COL23A1: variants seen among roughly 807,000 people sequenced by gnomAD.
COL23A1 encodes the protein collagen alpha-1(XXIII) chain.
In COL23A1, 97 loss-of-function variants were observed where a neutral mutation model predicts 99.3. The observed-to-expected ratio is 0.98, with a 90% CI of 0.83 to 1.16. The LOEUF (loss-of-function observed/expected upper bound fraction) is 1.16. COL23A1 is among the 50% of genes most tolerant of loss of function. The pLI, the probability that COL23A1 is intolerant of heterozygous loss-of-function variation, is 0.00. For missense variants in COL23A1, 762 were observed against 757.4 expected, an observed-to-expected ratio of 1.01 and a Z score of -0.07; for synonymous variants, 320 against 308.2, an observed-to-expected ratio of 1.04 and a Z score of -0.40.
In COL23A1 at chr5:178,387,861, AAGG is replaced by A. The variant is rs1169615535; in HGVS notation, c.362-80945_362-80943del. Among the ~76,000 whole-genome samples, 3 of 152,104 alleles carry A rather than the reference AAGG, an allele frequency of 2.0e-5. No homozygotes were observed. Among genetic ancestry groups the A allele is most frequent in the Non-Finnish European group, 4.4e-5 (3 of 68,010 alleles). ...AAGGAAGAGGGCCCAAGGAGAAAAT[AAGG>A]AGCCAAAAGCAACCTGCCTGCAAGG... On this transcript the variant is annotated intron_variant, in intron 2 of 28. Coordinates refer to ENST00000390654, the MANE Select transcript of COL23A1 (RefSeq NM_173465.4). This position sits in a 1 kb window ranked among gnomAD's most constrained non-coding sequence, Gnocchi z 4.7.
chr5:178,477,260 T>C (rs1757081232), intron 2 of COL23A1, among the ~76,000 whole-genome samples: 1 of 152,208 alleles, frequency 6.6e-6, no homozygotes, highest in South Asian at 2.1e-4. Flanking sequence ...TGAAGTCATC[T>C]TGGGGCTCAC....
intron 2 of COL23A1, among the ~76,000 whole-genome samples, chr5:178,326,717 TTTTG>T (rs1179277104): frequency 2.0e-5 from 3 of 152,206 alleles, no homozygotes; most frequent in African/African-American, 4.8e-5. Flanking sequence ...ACTCAATTCT[TTTTG>T]TTTATTTATT....
intron 2 of COL23A1, among the ~76,000 whole-genome samples, chr5:178,555,890 G>A (rs73804264): frequency 2.8e-4 from 43 of 152,296 alleles, no homozygotes; most frequent in African/African-American, 1.0e-3. Context: ...GAGCCTCCCT[G>A]CAGGAACCTG....
At chr5:178,469,004 G>A (rs1405777321) in intron 2 of COL23A1, among the ~76,000 whole-genome samples, 1 of 152,186 alleles carries the variant, frequency 6.6e-6, no homozygotes, top group Non-Finnish European at 1.5e-5. Flanking sequence ...ATCATATCGT[G>A]TTTGTCCTTC....
intron 1 of COL23A1, among the ~76,000 whole-genome samples, chr5:178,573,521 C>G (rs1276619454): frequency 6.6e-6 from 1 of 152,224 alleles, no homozygotes; most frequent in Admixed American, 6.5e-5. Context: ...CCTCAAGGGT[C>G]CCTGATAGGT....
chr5:178,560,316 A>C (rs929307665), intron 2 of COL23A1, among the ~76,000 whole-genome samples: 7 of 152,132 alleles, frequency 4.6e-5, no homozygotes, highest in African/African-American at 1.4e-4. Context: ...TCTGGTTGCA[A>C]TGTTGGTACA....
In COL23A1 at chr5:178,307,281, G is replaced by A. The variant is rs1253349368; in HGVS notation, c.362-362C>T. ...TGCAGCTGAGAAACTTCAGACTTAG[G>A]AGGAAAGTAAGGGTGGGTTATCTTA... On this transcript the variant is annotated intron_variant, in intron 2 of 28. Coordinates refer to ENST00000390654, the MANE Select transcript of COL23A1 (RefSeq NM_173465.4). The surrounding 1 kb of genome is among the most constrained non-coding windows in gnomAD (Gnocchi z 4.2). Among the ~76,000 whole-genome samples, 4 of 152,232 alleles carry A rather than the reference G, an allele frequency of 2.6e-5. No individual in the cohort carries two copies. In the South Asian group the frequency reaches 8.3e-4, roughly 32 times the overall value.
At chr5:178,483,796 G>C (rs869404) in intron 2 of COL23A1, among the ~76,000 whole-genome samples, 9,981 of 152,312 alleles carry the variant, frequency 0.066, 410 homozygotes, top group Middle Eastern at 0.12. Flanking sequence ...AGCCCGTGCA[G>C]CGGGGTTCCT....
chr5:178,294,947 G>C (rs936651730), intron 3 of COL23A1, among the ~76,000 whole-genome samples: 3 of 152,212 alleles, frequency 2.0e-5, no homozygotes, highest in African/African-American at 4.8e-5. Flanking sequence ...TTTGAGATCA[G>C]CCTGGCCAAC....
In COL23A1 at chr5:178,377,504, C is replaced by T. The variant is rs137914908; in HGVS notation, c.362-70585G>A. ...AGTGAAAACTCACCACACAGCCAGA[C>T]GTGTCATCCTGGGCCTTTTGCCTTT... is the stretch of plus-strand genomic sequence containing the variant. On this transcript the variant is annotated intron_variant, in intron 2 of 28. Coordinates refer to ENST00000390654, the MANE Select transcript of COL23A1 (RefSeq NM_173465.4). Among the ~76,000 whole-genome samples the T allele has an allele frequency of 7.2e-4, 110 of 152,354 alleles. No individual in the cohort carries two copies. The South Asian group carries it at 8.3e-3, about 11-fold the overall frequency.
At chr5:178,332,237 G>A (rs1485542493) in intron 2 of COL23A1, among the ~76,000 whole-genome samples, 7 of 152,136 alleles carry the variant, frequency 4.6e-5, no homozygotes, top group South Asian at 2.1e-4. Context: ...TTTCCACAGC[G>A]CAAGCCCCAC....
At position 178,277,241 on chromosome 5, in the gene COL23A1, C is replaced by T. The variant is rs376297882; in HGVS notation, c.442-6878G>A. 1.1e-4 allele frequency among the ~76,000 whole-genome samples: 16 copies of T among 150,328 alleles called. No individual in the cohort carries two copies. The East Asian group carries it at 2.1e-3, about 20-fold the overall frequency. ...AAAGGTTGGGTGTGGTGGCACATGC[C>T]TGTAGCTCCCGCTACTCAGGAGGCT... is the stretch of plus-strand genomic sequence containing the variant. On this transcript the variant is annotated intron_variant, in intron 5 of 28. Coordinates refer to ENST00000390654, the MANE Select transcript of COL23A1 (RefSeq NM_173465.4).
At chr5:178,316,150 T>TTA (rs2127618864) in intron 2 of COL23A1, among the ~76,000 whole-genome samples, 1 of 152,328 alleles carries the variant, frequency 6.6e-6, no homozygotes, top group East Asian at 1.9e-4. Flanking sequence ...CACTATAAAC[T>TTA]TATGTTATAT....
At position 178,365,111 on chromosome 5, in the gene COL23A1, G is replaced by A. The variant is rs1422503187; in HGVS notation, c.362-58192C>T. On this transcript the variant is annotated intron_variant, in intron 2 of 28. Transcript: ENST00000390654. The surrounding 1 kb of genome is among the most constrained non-coding windows in gnomAD (Gnocchi z 5.2). ...TCTCTTTGTAATTTCTCTTTGGGGT[G>A]GGCTTTATGATGTTGCTGTGTGTGC... Among the ~76,000 whole-genome samples, 1 of 151,252 alleles carries A rather than the reference G, an allele frequency of 6.6e-6. No homozygotes were observed. Among genetic ancestry groups the A allele is most frequent in the African/African-American group, 2.4e-5 (1 of 41,182 alleles).
At chr5:178,474,328 C>T (rs1451733179) in intron 2 of COL23A1, among the ~76,000 whole-genome samples, 5 of 152,186 alleles carry the variant, frequency 3.3e-5, no homozygotes, top group South Asian at 2.1e-4. Context: ...TCCAAAAACA[C>T]GCAGTCAGTG....
intron 2 of COL23A1, among the ~76,000 whole-genome samples, chr5:178,436,471 G>A (rs75526559): frequency 6.6e-6 from 1 of 152,110 alleles, no homozygotes; most frequent in Non-Finnish European, 1.5e-5. Flanking sequence ...GCAGAGGGTG[G>A]GGTACGTTTC....
At chr5:178,261,150 C>T (rs1253418120) in intron 11 of COL23A1, among the ~76,000 whole-genome samples, 1 of 152,064 alleles carries the variant, frequency 6.6e-6, no homozygotes, top group Admixed American at 6.5e-5. Flanking sequence ...CAGTGGCTTA[C>T]ACCTGTAATC....
chr5:178,349,904 C>T (rs891651056), intron 2 of COL23A1, among the ~76,000 whole-genome samples: 1 of 152,186 alleles, frequency 6.6e-6, no homozygotes, highest in Non-Finnish European at 1.5e-5. Context: ...GTACTCTCTC[C>T]CTCCCAGGCC....
chr5:178,441,706 A>C (rs28673403), intron 2 of COL23A1, among the ~76,000 whole-genome samples: 29,278 of 152,102 alleles, frequency 0.19, 3,429 homozygotes, highest in African/African-American at 0.33. Context: ...CTAACAGACG[A>C]CACGGGGTGA....
Sources: allele counts gnomAD v4.1 joint callset (sites outside exome capture counted in the v4.1 genomes callset), GRCh38; gene constraint gnomAD v4.1.1; non-coding constraint Gnocchi (gnomAD v3.1); transcripts MANE v1.5; gene names NCBI Gene and HGNC (gene_info 2026-07-23, HGNC 2026-07-21).